Variants in RPGRIP1L observed in about 807,000 individuals in gnomAD.
RPGRIP1L encodes protein fantom.
Under a neutral mutation model 160.4 loss-of-function variants are expected in RPGRIP1L, and 131 were observed. The observed-to-expected ratio is 0.82, with a 90% CI of 0.71 to 0.94. The LOEUF (loss-of-function observed/expected upper bound fraction) is 0.94. Ranked by LOEUF, RPGRIP1L falls within the 40% of genes least tolerant of loss-of-function variation. The pLI, the probability that RPGRIP1L is intolerant of heterozygous loss-of-function variation, is 0.00. For synonymous variants in RPGRIP1L, 510 were observed against 515.8 expected (o/e 0.99, Z 0.15); for missense variants, 1,522 against 1,535.8 (o/e 0.99, Z 0.15).
intron 1 of RPGRIP1L, chr16:53,703,473 AG>A (rs1598442772): frequency 6.5e-6 from 1 of 154,852 alleles, no homozygotes; most frequent in Middle Eastern, 3.4e-3. Context: ...CTCCTAATCC[AG>A]GGCAAATGAG....
intron 8 of RPGRIP1L, among the ~76,000 whole-genome samples, chr16:53,672,216 T>C (rs1968791907): frequency 6.6e-6 from 1 of 152,184 alleles, no homozygotes; most frequent in African/African-American, 2.4e-5. Flanking sequence ...GTATTTATTT[T>C]TAAGTTTTAT....
At chr16:53,630,716 G>A (rs1567813358) in intron 22 of RPGRIP1L, among the ~76,000 whole-genome samples, 2 of 151,992 alleles carry the variant, frequency 1.3e-5, no homozygotes, top group Non-Finnish European at 2.9e-5. Context: ...TTTCCAGTTT[G>A]ACATAAAATA....
chr16:53,682,746 G>T (rs1446377171), intron 6 of RPGRIP1L, among the ~76,000 whole-genome samples: 1 of 152,160 alleles, frequency 6.6e-6, no homozygotes, highest in Non-Finnish European at 1.5e-5. Flanking sequence ...GTGTTGAGAG[G>T]TCTGGTCCTT....
chr16:53,630,747 A>C (rs1329556122), intron 22 of RPGRIP1L, among the ~76,000 whole-genome samples: 2 of 151,926 alleles, frequency 1.3e-5, no homozygotes, highest in Non-Finnish European at 2.9e-5. Flanking sequence ...TTATTTATTT[A>C]TTTTTGTGAC....
intron 20 of RPGRIP1L, among the ~76,000 whole-genome samples, 189 bp from the exon 21 acceptor site, chr16:53,638,043 T>C (rs1965951765): frequency 6.6e-6 from 1 of 152,124 alleles, no homozygotes; most frequent in South Asian, 2.1e-4. Flanking sequence ...TAAATGGAAA[T>C]CTGAATATGT....
intron 16 of RPGRIP1L, among the ~76,000 whole-genome samples, chr16:53,648,626 GCACA>G (rs113624342): frequency 3.9e-4 from 56 of 144,086 alleles, no homozygotes; most frequent in South Asian, 8.9e-4. Context: ...GCGCGCGCGC[GCACA>G]CACACACACA....
chr16:53,649,261 G>A, intron 15 of RPGRIP1L, 146 bp from the exon 16 acceptor site: 1 of 641,160 alleles, frequency 1.6e-6, no homozygotes, highest in Non-Finnish European at 2.7e-6. Context: ...ATGTGAGATT[G>A]GCAAATAACA....
At chr16:53,670,831 A>G (rs1395608889) in intron 9 of RPGRIP1L, among the ~76,000 whole-genome samples, 1 of 152,120 alleles carries the variant, frequency 6.6e-6, no homozygotes, top group Non-Finnish European at 1.5e-5. Flanking sequence ...GCAGTGGCTC[A>G]CCCCTGTAAT....
chr16:53,635,342 A>C (rs558321395), intron 22 of RPGRIP1L: 1 of 152,270 alleles, frequency 6.6e-6, no homozygotes, highest in Non-Finnish European at 1.5e-5. Context: ...ATAATGATAA[A>C]ACTTTGGACA....
chr16:53,640,539 T>C (rs1966141326), intron 19 of RPGRIP1L, among the ~76,000 whole-genome samples: 1 of 151,928 alleles, frequency 6.6e-6, no homozygotes, highest in Non-Finnish European at 1.5e-5. Flanking sequence ...AACAGTAAAG[T>C]TGGAGGCAAG....
chr16:53,641,154 T>C (rs903099623), intron 18 of RPGRIP1L, 38 bp from the exon 19 acceptor site: 1 of 1,569,874 alleles, frequency 6.4e-7, no homozygotes, highest in Non-Finnish European at 8.8e-7. Context: ...CTGAGTATGA[T>C]GACCATTAGA....
intron 7 of RPGRIP1L, 124 bp from the exon 8 acceptor site, chr16:53,673,140 A>G: frequency 1.1e-6 from 1 of 935,668 alleles, no homozygotes; most frequent in Non-Finnish European, 1.6e-6. Flanking sequence ...CACCTTATAC[A>G]GATTATTTTT....
intron 19 of RPGRIP1L, 106 bp downstream of exon 19, chr16:53,640,927 T>G (rs971040622): frequency 4.9e-6 from 4 of 817,588 alleles, no homozygotes; most frequent in Non-Finnish European, 6.1e-6. Flanking sequence ...AAGACATACT[T>G]TATTCACCTG....
At chr16:53,638,437 G>T in intron 19 of RPGRIP1L, 26 bp from the exon 20 acceptor site, 3 of 1,206,162 alleles carry the variant, frequency 2.5e-6, no homozygotes, top group Non-Finnish European at 3.7e-6. Context: ...AAACACGCAT[G>T]TATGTCATTT....
chr16:53,622,839 A>ACG (rs1269107511), intron 22 of RPGRIP1L, among the ~76,000 whole-genome samples: 1 of 151,340 alleles, frequency 6.6e-6, no homozygotes, highest in Non-Finnish European at 1.5e-5. Flanking sequence ...ACACACACAC[A>ACG]CACACAAATA....
At chr16:53,627,139 T>C in intron 22 of RPGRIP1L, among the ~76,000 whole-genome samples, 1 of 152,186 alleles carries the variant, frequency 6.6e-6, no homozygotes, top group East Asian at 1.9e-4. Context: ...ATTCTTCCTC[T>C]GGTTTCAGCC....
Position 53,658,761 on chromosome 16 carries a change from A to C in RPGRIP1L, c.1350+11T>G. The C allele has an allele frequency of 1.9e-6, 3 of 1,545,446 alleles. No individual in the cohort carries two copies. Among genetic ancestry groups the C allele is most frequent in the Non-Finnish European group, 2.7e-6 (3 of 1,127,520 alleles). ...TCTGAGTTTTATTTCTTAAATAAGGAAATAATTCACCTGGTTGTACAATTT... is the reference window on the plus strand; with the variant it reads ...TCTGAGTTTTATTTCTTAAATAAGGCAATAATTCACCTGGTTGTACAATTT... On this transcript the variant is annotated intron_variant, in intron 11 of 26. Transcript: ENST00000647211.
chr16:53,698,818 G>A (rs1014200904), intron 2 of RPGRIP1L, among the ~76,000 whole-genome samples: 11 of 150,172 alleles, frequency 7.3e-5, no homozygotes, highest in East Asian at 2.1e-4. Flanking sequence ...GGTGAGGGGC[G>A]CCTCTGCCCG....
rs530585157 is a variant in RPGRIP1L, at chr16:53,680,117, T to G, written c.777-4995A>C. On this transcript the variant is annotated intron_variant, in intron 6 of 26. Transcript: ENST00000647211. ...TATTATCTGTGACAATTTCTGTGGTTTGTATAAAGTGGCAGGAGGCTATGT... is the reference window on the plus strand; with the variant it reads ...TATTATCTGTGACAATTTCTGTGGTGTGTATAAAGTGGCAGGAGGCTATGT... Among the ~76,000 whole-genome samples, 83 of 152,282 alleles carry G rather than the reference T, an allele frequency of 5.5e-4. 1 individual carries two copies. The highest frequency in any genetic ancestry group is 3.7e-3 in the South Asian group (18 of 4,820).
Sources: gnomAD v4.1 joint callset for allele counts (sites outside exome capture counted in the v4.1 genomes callset) on GRCh38, gnomAD v4.1.1 for gene constraint, MANE v1.5 for transcripts, NCBI Gene and HGNC (gene_info 2026-07-23, HGNC 2026-07-21) for gene names.